Variants in ZDHHC14 observed in about 807,000 individuals in gnomAD.
ZDHHC14 encodes the protein zDHHC palmitoyltransferase 14.
Under a neutral mutation model 47.7 loss-of-function variants are expected in ZDHHC14, and 16 were observed. The ratio of observed to expected loss-of-function variants is 0.34; its 90% CI spans 0.23 to 0.51. The LOEUF is 0.51. ZDHHC14 is among the 20% of genes least tolerant of loss of function. ZDHHC14 has a pLI of 0.97. For missense variants in ZDHHC14, 515 were observed against 662.5 expected (o/e 0.78, Z 2.44); for synonymous variants, 293 against 278.9 (o/e 1.05, Z -0.50).
At chr6:157,418,770 G>A (rs1464423256) in intron 1 of ZDHHC14, among the ~76,000 whole-genome samples, 2 of 152,184 alleles carry the variant, frequency 1.3e-5, no homozygotes, top group South Asian at 2.1e-4. Context: ...AGTGAATGTA[G>A]CGCCAAACTT....
intron 1 of ZDHHC14, among the ~76,000 whole-genome samples, chr6:157,392,517 C>A (rs574552476): frequency 6.6e-6 from 1 of 152,036 alleles, no homozygotes; most frequent in Non-Finnish European, 1.5e-5. Context: ...TCTTTGGAAG[C>A]CTTGATAGCA....
At chr6:157,644,488 G>C (rs1777421903) in intron 5 of ZDHHC14, among the ~76,000 whole-genome samples, 1 of 152,224 alleles carries the variant, frequency 6.6e-6, no homozygotes, top group Non-Finnish European at 1.5e-5. Flanking sequence ...AGCAGACCCA[G>C]TGGTTTAGTG....
intron 3 of ZDHHC14, among the ~76,000 whole-genome samples, chr6:157,626,900 GCGGC>G (rs1785452402): frequency 7.1e-6 from 1 of 141,706 alleles, no homozygotes; most frequent in Non-Finnish European, 1.5e-5. Flanking sequence ...TGGGGGGGGG[GCGGC>G]GGGGGCAGCA....
At chr6:157,599,010 A>G (rs1784237496) in intron 3 of ZDHHC14, among the ~76,000 whole-genome samples, 1 of 152,264 alleles carries the variant, frequency 6.6e-6, no homozygotes, top group Non-Finnish European at 1.5e-5. Context: ...ACTTTTATAA[A>G]TCTTTGTAAA....
chr6:157,611,377 T>C (rs1784743778), intron 3 of ZDHHC14, among the ~76,000 whole-genome samples: 1 of 152,200 alleles, frequency 6.6e-6, no homozygotes, highest in Non-Finnish European at 1.5e-5. Flanking sequence ...TTTTTTAAGG[T>C]ATCACGTCTT....
chr6:157,549,126 C>G (rs1424580135), intron 2 of ZDHHC14, among the ~76,000 whole-genome samples: 1 of 152,250 alleles, frequency 6.6e-6, no homozygotes, highest in Non-Finnish European at 1.5e-5. Flanking sequence ...TGCTGCCCAC[C>G]TCCTGCTGCC....
chr6:157,654,976 C>A (rs549384574), intron 8 of ZDHHC14, among the ~76,000 whole-genome samples: 1 of 152,236 alleles, frequency 6.6e-6, no homozygotes, highest in South Asian at 2.1e-4. Flanking sequence ...CTCAGGTGAT[C>A]CACCTGCCTC....
intron 1 of ZDHHC14, among the ~76,000 whole-genome samples, chr6:157,447,898 G>A (rs1247468842): frequency 6.6e-6 from 1 of 152,180 alleles, no homozygotes; most frequent in African/African-American, 2.4e-5. Context: ...GAGAGGTGGG[G>A]TCTCACTCTG....
intron 1 of ZDHHC14, among the ~76,000 whole-genome samples, chr6:157,397,986 G>GCA (rs1465139212): frequency 6.6e-6 from 1 of 152,210 alleles, no homozygotes; most frequent in Non-Finnish European, 1.5e-5. Flanking sequence ...CTGGAAGGCA[G>GCA]CATGGGGTTA....
At chr6:157,474,427 ACC>A (rs1164522151) in intron 1 of ZDHHC14, among the ~76,000 whole-genome samples, 1 of 152,174 alleles carries the variant, frequency 6.6e-6, no homozygotes, top group Non-Finnish European at 1.5e-5. Flanking sequence ...TTGAGTATAT[ACC>A]CAGAAGATGC....
At chr6:157,457,208 G>C (rs1372686619) in intron 1 of ZDHHC14, among the ~76,000 whole-genome samples, 1 of 151,452 alleles carries the variant, frequency 6.6e-6, no homozygotes. Context: ...AGTTGGGATG[G>C]GCACTTTTTT....
chr6:157,592,898 G>C, intron 2 of ZDHHC14, 90 bp from the exon 3 acceptor site: 2 of 1,510,054 alleles, frequency 1.3e-6, no homozygotes, highest in Non-Finnish European at 1.8e-6. Context: ...TGTGCCTGCT[G>C]CCCTGGAGCT....
At chr6:157,397,358 C>T (rs1381870194) in intron 1 of ZDHHC14, among the ~76,000 whole-genome samples, 1 of 152,200 alleles carries the variant, frequency 6.6e-6, no homozygotes, top group African/African-American at 2.4e-5. Flanking sequence ...TAGTCTAATC[C>T]TGCTCTCCCT....
In ZDHHC14 at chr6:157,578,671, T is replaced by C. The variant is rs138324728; in HGVS notation, c.407-14317T>C. Among the ~76,000 whole-genome samples the C allele has an allele frequency of 1.8e-4, 28 of 152,328 alleles. 1 individual carries two copies. The East Asian group carries it at 5.4e-3, about 29-fold the overall frequency. ...TGAATCATGGGGGTGGTTTCCCCTA[T>C]GCTGTTCTCGTGATAGTGGGTGAGT... On this transcript the variant is annotated intron_variant, in intron 2 of 8. Coordinates refer to ENST00000359775, the MANE Select transcript of ZDHHC14 (RefSeq NM_024630.3).
chr6:157,632,476 A>G (rs184362609), intron 4 of ZDHHC14: 31 of 221,432 alleles, frequency 1.4e-4, no homozygotes, highest in Admixed American at 2.5e-4. Flanking sequence ...TCAAAAGTTA[A>G]CAAATTTGGG....
intron 1 of ZDHHC14, among the ~76,000 whole-genome samples, chr6:157,444,634 C>T (rs1778623329): frequency 6.6e-6 from 1 of 151,062 alleles, no homozygotes; most frequent in African/African-American, 2.4e-5. Flanking sequence ...GCCAAGATTG[C>T]ACCATTGCAC....
rs752828348 is a variant in ZDHHC14 at position 157,583,464 on chromosome 6, G to A, written c.407-9524G>A. ...ATAGTTAATTATTGTCCTTGGTTTC[G>A]CATGGGGAGTATATTACCAAAGGTG... On this transcript the variant is annotated intron_variant, in intron 2 of 8. Coordinates refer to ENST00000359775, the MANE Select transcript of ZDHHC14 (RefSeq NM_024630.3). 1.1e-4 allele frequency among the ~76,000 whole-genome samples: 16 copies of A among 151,820 alleles called. 1 individual carries two copies. The highest frequency in any genetic ancestry group is 2.1e-4 in the South Asian group (1 of 4,806).
At chr6:157,419,501 C>CT (rs1414631350) in intron 1 of ZDHHC14, among the ~76,000 whole-genome samples, 1 of 152,218 alleles carries the variant, frequency 6.6e-6, no homozygotes, top group Non-Finnish European at 1.5e-5. Flanking sequence ...AACCACTAGT[C>CT]TTTTTACTGT....
intron 1 of ZDHHC14, among the ~76,000 whole-genome samples, chr6:157,412,167 G>GACCTC: frequency 6.6e-6 from 1 of 152,172 alleles, no homozygotes; most frequent in East Asian, 1.9e-4. Context: ...TCGAACTCCT[G>GACCTC]ACCTCAAGTG....
Sources: gnomAD v4.1 joint callset for allele counts (sites outside exome capture counted in the v4.1 genomes callset) on GRCh38, gnomAD v4.1.1 for gene constraint, MANE v1.5 for transcripts, NCBI Gene and HGNC (gene_info 2026-07-23, HGNC 2026-07-21) for gene names.